ZC3H6: variants seen among roughly 807,000 people sequenced by gnomAD.
The protein encoded by ZC3H6 is zinc finger CCCH-type containing 6.
A neutral mutation model predicts 107.7 loss-of-function variants in ZC3H6; 40 were observed. The observed-to-expected ratio is 0.37, with a 90% CI of 0.29 to 0.48. The LOEUF (loss-of-function observed/expected upper bound fraction) is 0.48. ZC3H6 is among the 20% of genes least tolerant of loss of function. ZC3H6 has a pLI of 0.98. For synonymous variants in ZC3H6, 493 were observed against 487.9 expected (o/e 1.01, Z -0.14); for missense variants, 1,267 against 1,410.4 (o/e 0.90, Z 1.63).
chr2:112,339,243 AAACT>A lies in ZC3H6; in HGVS notation c.*6759_*6762del, dbSNP rs1677198809. 6.6e-6 allele frequency: 1 copy of A among 152,170 alleles called. No individual in the cohort carries two copies. The highest frequency in any genetic ancestry group is 1.5e-5 in the Non-Finnish European group (1 of 68,028). 9.4% of individuals were successfully genotyped at this position (152,170 alleles called of 1,614,324 possible). On this transcript the variant is annotated 3_prime_UTR_variant, in exon 12 of 12. Coordinates refer to ENST00000409871, the MANE Select transcript of ZC3H6 (RefSeq NM_198581.3). The stretch of plus-strand genomic sequence containing the variant: ...TTAAATAGAGAAAGTGAAAAATGAT[AAACT>A]AACCATTATAAAATAGAGGTTTGAG...
In ZC3H6 at chr2:112,338,821, A is replaced by G. The variant is rs1052401022; in HGVS notation, c.*6333A>G. On this transcript the variant is annotated 3_prime_UTR_variant, in exon 12 of 12. Transcript: ENST00000409871. ...TACCACTAATATCTTGGGGTTGTCA[A>G]TGATAGACTATATATATATGTATGT... 7.1e-6 allele frequency: 1 copy of G among 141,270 alleles called. No homozygotes were observed. The highest frequency in any genetic ancestry group is 1.5e-5 in the Non-Finnish European group (1 of 64,860). 8.8% of individuals were successfully genotyped at this position (141,270 alleles called of 1,614,324 possible).
At chr2:112,323,111 A>T (rs569391409) in intron 9 of ZC3H6, among the ~76,000 whole-genome samples, 22 of 152,264 alleles carry the variant, frequency 1.4e-4, no homozygotes, top group African/African-American at 4.1e-4. Context: ...ATCCTTATAC[A>T]GCTTCTGAAA....
Position 112,337,549 on chromosome 2 carries a change from T to TG in ZC3H6, c.*5062dup, listed in dbSNP as rs1677154193. On this transcript the variant is annotated 3_prime_UTR_variant, in exon 12 of 12. Coordinates refer to ENST00000409871, the MANE Select transcript of ZC3H6 (RefSeq NM_198581.3). ...GTTGATCAGGCTGATCTTGAACTCC[T>TG]GACCCCAGGTGATCCACCCGCCTCA... is the stretch of plus-strand genomic sequence containing the variant. 1 of 152,110 alleles carries TG rather than the reference T, an allele frequency of 6.6e-6. No individual in the cohort carries two copies. Among genetic ancestry groups the TG allele is most frequent in the African/African-American group, 2.4e-5 (1 of 41,394 alleles). The allele number at this position is 152,110 out of a possible 1,614,324, so 9.4% of individuals were successfully genotyped here. A position where few individuals can be genotyped will look rare whatever the true frequency, so the allele number is the denominator to read the frequency against.
chr2:112,323,481 TA>T (rs1676843316), intron 9 of ZC3H6, among the ~76,000 whole-genome samples: 1 of 152,164 alleles, frequency 6.6e-6, no homozygotes, highest in African/African-American at 2.4e-5. Context: ...TTTGAACCAT[TA>T]AAAGTATTTC....
At chr2:112,326,207 A>G (rs1676903661) in intron 11 of ZC3H6, among the ~76,000 whole-genome samples, 3 of 152,188 alleles carry the variant, frequency 2.0e-5, no homozygotes, top group Non-Finnish European at 4.4e-5. Context: ...CCTCTGTGTT[A>G]CAAACAATCC....
chr2:112,281,022 A>T (rs1156355306), intron 1 of ZC3H6, among the ~76,000 whole-genome samples: 1 of 152,202 alleles, frequency 6.6e-6, no homozygotes, highest in Non-Finnish European at 1.5e-5. Flanking sequence ...GAAGCTTAAT[A>T]TGTATTGTTC....
chr2:112,317,918 G>A (rs1676731090), intron 7 of ZC3H6, among the ~76,000 whole-genome samples: 1 of 152,096 alleles, frequency 6.6e-6, no homozygotes, highest in Admixed American at 6.5e-5. Flanking sequence ...TATGACTAAT[G>A]AAGCTTTCCC....
At chr2:112,322,400 C>G (rs1298089443) in intron 8 of ZC3H6, among the ~76,000 whole-genome samples, 1 of 151,812 alleles carries the variant, frequency 6.6e-6, no homozygotes, top group African/African-American at 2.4e-5. Context: ...TGGGCACTAC[C>G]ATGCCCAGCT....
intron 1 of ZC3H6, among the ~76,000 whole-genome samples, chr2:112,279,636 GC>G (rs573276520): frequency 2.0e-5 from 3 of 151,860 alleles, no homozygotes; most frequent in Admixed American, 6.6e-5. Flanking sequence ...GTGGTTTATG[GC>G]CCCCCATATA....
chr2:112,299,344 C>T (rs1676317045), intron 1 of ZC3H6, among the ~76,000 whole-genome samples: 1 of 151,952 alleles, frequency 6.6e-6, no homozygotes, highest in Non-Finnish European at 1.5e-5. Flanking sequence ...CAACTGGATC[C>T]TAGATCCTCT....
At chr2:112,298,918 C>T (rs1676302251) in intron 1 of ZC3H6, among the ~76,000 whole-genome samples, 1 of 151,934 alleles carries the variant, frequency 6.6e-6, no homozygotes, top group South Asian at 2.1e-4. Flanking sequence ...TTGAGGTTTC[C>T]CTTTAAGCCA....
chr2:112,288,956 G>A (rs1015495065), intron 1 of ZC3H6, among the ~76,000 whole-genome samples: 20 of 151,882 alleles, frequency 1.3e-4, no homozygotes, highest in African/African-American at 4.8e-4. Context: ...TAATAAAATA[G>A]TTTTCATTCT....
chr2:112,332,483 T>C lies in ZC3H6; in HGVS notation c.3565T>C (p.Cys1189Arg), dbSNP rs1253755646. The C allele has an allele frequency of 1.2e-6, 2 of 1,600,692 alleles. No homozygotes were observed. The highest frequency in any genetic ancestry group is 1.7e-6 in the Non-Finnish European group (2 of 1,174,310). The part of the protein sequence containing the change: ...KTFDPTASPF[C>R] ...TTTTGATCCAACTGCTTCACCATTT[T>C]GTTAGCTATTGTGTAACTGAGCAAT... The change falls in exon 12 of 12, where the codon TGT becomes CGT. Residue 1189 changes from cysteine to arginine, a missense_variant. This residue lies in a region of ZC3H6 where 925 missense variants were observed against 1,025.7 expected (regional missense o/e 0.90). Transcript: ENST00000409871.
chr2:112,322,170 C>T (rs1479178756), intron 8 of ZC3H6, among the ~76,000 whole-genome samples: 3 of 149,270 alleles, frequency 2.0e-5, no homozygotes, highest in African/African-American at 4.9e-5. Context: ...CTCCCTCTTG[C>T]TTGCTTGCTT....
chr2:112,301,976 C>T (rs1179590662), intron 2 of ZC3H6, among the ~76,000 whole-genome samples: 1 of 151,388 alleles, frequency 6.6e-6, no homozygotes, highest in African/African-American at 2.4e-5. Context: ...ATATTAAAAG[C>T]AAGATGAAAT....
chr2:112,312,544 A>T (rs374256309), intron 5 of ZC3H6, among the ~76,000 whole-genome samples: 1 of 152,194 alleles, frequency 6.6e-6, no homozygotes, highest in East Asian at 1.9e-4. Context: ...TGATTGAATT[A>T]TAGAGGCAAT....
In ZC3H6 at chr2:112,303,278, A is replaced by T. The variant is rs376278245; in HGVS notation, c.263A>T (p.Asp88Val). ...AGTTCGGACTACAGCCTTGATTCAG[A>T]TGTTGAACATACAGAAAGTTCCCAT... is the stretch of plus-strand genomic sequence containing the variant. ...DDSSDYSLDS[D>V]VEHTESSHKK... The change falls in exon 3 of 12, where the codon GAT (aspartate) becomes GTT (valine). Residue 88 changes from aspartate to valine, a missense_variant. This residue lies in a region of ZC3H6 where 337 missense variants were observed against 361.2 expected (regional missense o/e 0.93). Transcript: ENST00000409871. The T allele has an allele frequency of 1.2e-6, 2 of 1,613,028 alleles. No homozygotes were observed. The highest frequency in any genetic ancestry group is 1.7e-6 in the Non-Finnish European group (2 of 1,179,246).
chr2:112,281,178 G>A (rs1401996064), intron 1 of ZC3H6, among the ~76,000 whole-genome samples: 1 of 152,162 alleles, frequency 6.6e-6, no homozygotes, highest in Non-Finnish European at 1.5e-5. Context: ...GATGTGGGGA[G>A]GGTGTTTAGG....
In ZC3H6 at chr2:112,275,770, C is replaced by T. The variant is rs1686403605; in HGVS notation, c.-225C>T. 11 of 447,462 alleles carry T rather than the reference C, an allele frequency of 2.5e-5. No individual in the cohort carries two copies. The South Asian group carries it at 4.9e-4, about 20-fold the overall frequency. The allele number at this position is 447,462 out of a possible 1,614,324, so 27.7% of individuals were successfully genotyped here. On this transcript the variant is annotated 5_prime_UTR_variant, in exon 1 of 12. Transcript: ENST00000409871. ...CAGCGCCGGCAGCGCGGGGCCGTTG[C>T]CCAGTGTTTGCAGTTAGAGCCCCAT...
Sources: gnomAD v4.1 joint callset for allele counts (sites outside exome capture counted in the v4.1 genomes callset) on GRCh38, gnomAD v4.1.1 for gene constraint, gnomAD v4.1.1 regional missense constraint, MANE v1.5 for transcripts, NCBI Gene and HGNC (gene_info 2026-07-23, HGNC 2026-07-21) for gene names.